Variants in CDK6 observed in about 807,000 individuals in gnomAD.
The protein encoded by CDK6 is cyclin dependent kinase 6.
CDK6 carries 6 observed loss-of-function variants against 37.1 expected under a neutral mutation model. The ratio of observed to expected loss-of-function variants is 0.16; its 90% confidence interval spans 0.09 to 0.32. The LOEUF (loss-of-function observed/expected upper bound fraction) is 0.32, where lower values mean the gene tolerates loss of function less well. Ranked by LOEUF, CDK6 falls within the 10% of genes least tolerant of loss-of-function variation. CDK6 has a pLI of 1.00. For synonymous variants in CDK6, 160 were observed against 161.3 expected (o/e 0.99, Z 0.06); for missense variants, 224 against 418.9 (o/e 0.53, Z 4.06).
At chr7:92,755,926 T>C (rs1466760652) in intron 3 of CDK6, among the ~76,000 whole-genome samples, 1 of 152,090 alleles carries the variant, frequency 6.6e-6, no homozygotes, top group African/African-American at 2.4e-5. Context: ...TTCTTGCACA[T>C]ACAAGTGCAC....
intron 5 of CDK6, 73 bp from the exon 6 acceptor site, chr7:92,623,159 T>C (rs1434432450): frequency 1.2e-5 from 13 of 1,050,610 alleles, no homozygotes; most frequent in Non-Finnish European, 1.7e-5. Flanking sequence ...GCCATTATCA[T>C]TGTTTCACAG....
At chr7:92,674,873 C>A (rs1303013766) in intron 4 of CDK6, among the ~76,000 whole-genome samples, 2 of 152,156 alleles carry the variant, frequency 1.3e-5, no homozygotes, top group Non-Finnish European at 2.9e-5. Flanking sequence ...GCTCTGTTGC[C>A]CAGACTGGAA....
rs776119972 is a variant in CDK6, at chr7:92,609,653, A to C, written c.*5487T>G. 2.6e-5 allele frequency: 6 copies of C among 231,596 alleles called. No individual in the cohort carries two copies. The East Asian group carries it at 3.7e-4, about 14-fold the overall frequency. 14.3% of individuals were successfully genotyped at this position (231,596 alleles called of 1,614,324 possible). A position where few individuals can be genotyped will look rare whatever the true frequency, so the allele number is the denominator to read the frequency against. The stretch of plus-strand genomic sequence containing the variant: ...ATGTTGAAAGGCCACCATGCTAGGG[A>C]ATTTGAAAGCAGCAGAGAGGGTATG... On this transcript the variant is annotated 3_prime_UTR_variant, in exon 8 of 8. Transcript: ENST00000424848.
chr7:92,659,454 A>C (rs1309647235), intron 5 of CDK6, among the ~76,000 whole-genome samples: 1 of 152,178 alleles, frequency 6.6e-6, no homozygotes, highest in African/African-American at 2.4e-5. Context: ...GTTTCTTTCT[A>C]CCTCTTAAAA....
chr7:92,741,613 C>T (rs1039902146), intron 3 of CDK6, among the ~76,000 whole-genome samples: 22 of 151,958 alleles, frequency 1.4e-4, no homozygotes, highest in Non-Finnish European at 2.9e-4. Context: ...CCTGAATTTA[C>T]CAGTTAAAAT....
intron 3 of CDK6, among the ~76,000 whole-genome samples, chr7:92,767,211 T>G (rs1001321806): frequency 2.6e-5 from 4 of 152,356 alleles, no homozygotes; most frequent in Admixed American, 2.6e-4. Flanking sequence ...TCTGTCCTCT[T>G]TCTCTTCTGA....
At chr7:92,717,080 C>T (rs1798244796) in intron 4 of CDK6, among the ~76,000 whole-genome samples, 1 of 152,036 alleles carries the variant, frequency 6.6e-6, no homozygotes, top group Admixed American at 6.5e-5. Flanking sequence ...GGCATGGTAG[C>T]TCATGTCTGT....
At chr7:92,618,317 TC>T in intron 6 of CDK6, 110 bp from the exon 7 acceptor site, 1 of 1,047,116 alleles carries the variant, frequency 9.6e-7, no homozygotes, top group Non-Finnish European at 1.4e-6. Flanking sequence ...GGGGGCAGAG[TC>T]CCAGGAGACC....
At chr7:92,788,933 A>G (rs1282052623) in intron 2 of CDK6, among the ~76,000 whole-genome samples, 1 of 152,136 alleles carries the variant, frequency 6.6e-6, no homozygotes, top group African/African-American at 2.4e-5. Flanking sequence ...CCTGGGTAAC[A>G]CAAAGAACCC....
chr7:92,726,955 G>A (rs1019956105), intron 3 of CDK6, among the ~76,000 whole-genome samples: 1 of 152,114 alleles, frequency 6.6e-6, no homozygotes, highest in Non-Finnish European at 1.5e-5. Context: ...TCAGTAAATG[G>A]CAGCGCTTAT....
intron 3 of CDK6, among the ~76,000 whole-genome samples, chr7:92,753,051 T>G (rs576401852): frequency 6.6e-6 from 1 of 152,172 alleles, no homozygotes; most frequent in Non-Finnish European, 1.5e-5. Context: ...ACAACCTACT[T>G]TATGGTGATT....
At chr7:92,665,618 A>G (rs1212256038) in intron 5 of CDK6, among the ~76,000 whole-genome samples, 1 of 152,216 alleles carries the variant, frequency 6.6e-6, no homozygotes, top group Non-Finnish European at 1.5e-5. Flanking sequence ...AACAAAAGAC[A>G]TGCACCTCTT....
rs190355397 is a variant in CDK6 at position 92,760,534 on chromosome 7, A to G, written c.369+14162T>C. On this transcript the variant is annotated intron_variant, in intron 3 of 7. Coordinates refer to ENST00000424848, the MANE Select transcript of CDK6 (RefSeq NM_001145306.2). ...GGCATTCCCCAATAAGATGTATGCT[A>G]AAACAGCCTTTTGTTGGATTATAAA... 1.8e-4 allele frequency among the ~76,000 whole-genome samples: 27 copies of G among 152,296 alleles called. 1 individual carries two copies. In the East Asian group the frequency reaches 2.7e-3, roughly 15 times the overall value.
At chr7:92,811,063 A>T (rs1358163566) in intron 2 of CDK6, among the ~76,000 whole-genome samples, 2 of 152,146 alleles carry the variant, frequency 1.3e-5, no homozygotes, top group Non-Finnish European at 2.9e-5. Flanking sequence ...GCCAAAGAAA[A>T]AAAAAGGCAA....
At chr7:92,829,707 G>A (rs577292781) in intron 2 of CDK6, among the ~76,000 whole-genome samples, 2 of 152,154 alleles carry the variant, frequency 1.3e-5, no homozygotes, top group Non-Finnish European at 2.9e-5. Flanking sequence ...TCTTCAAAAA[G>A]CACTTGATTC....
chr7:92,712,416 CAA>C (rs562257919), intron 4 of CDK6, among the ~76,000 whole-genome samples: 290 of 152,136 alleles, frequency 1.9e-3, no homozygotes, highest in Non-Finnish European at 2.6e-3. Context: ...ATGGGACTAA[CAA>C]TACTTGAGAA....
rs1175656679 is a variant in CDK6, at chr7:92,609,045, T to A, written c.*6095A>T. 4.3e-6 allele frequency: 1 copy of A among 233,244 alleles called. No homozygotes were observed. Among genetic ancestry groups the A allele is most frequent in the Non-Finnish European group, 8.5e-6 (1 of 118,192 alleles). The allele number at this position is 233,244 out of a possible 1,614,324, so 14.4% of individuals were successfully genotyped here. ...TAGTTCCTGGGAGCAGAGGGGCGAATGAGGCGGGGGATTTCTCAGCCAGTT... is the reference window on the plus strand; with the variant it reads ...TAGTTCCTGGGAGCAGAGGGGCGAAAGAGGCGGGGGATTTCTCAGCCAGTT... On this transcript the variant is annotated 3_prime_UTR_variant, in exon 8 of 8. Coordinates refer to ENST00000424848, the MANE Select transcript of CDK6 (RefSeq NM_001145306.2).
chr7:92,609,427 CAG>C lies in CDK6; in HGVS notation c.*5711_*5712del, dbSNP rs1337098415. The C allele has an allele frequency of 1.3e-5, 3 of 228,768 alleles. No homozygotes were observed. Among genetic ancestry groups the C allele is most frequent in the Admixed American group, 5.7e-5 (1 of 17,572 alleles). The allele number at this position is 228,768 out of a possible 1,614,324, so 14.2% of individuals were successfully genotyped here. A position where few individuals can be genotyped will look rare whatever the true frequency, so the allele number is the denominator to read the frequency against. On this transcript the variant is annotated 3_prime_UTR_variant, in exon 8 of 8. Coordinates refer to ENST00000424848, the MANE Select transcript of CDK6 (RefSeq NM_001145306.2). ...CCTAAGTTGTTATGCTCATATACTT[CAG>C]ACTTTTTTTTTTTAATTAGAGCTTC...
intron 4 of CDK6, among the ~76,000 whole-genome samples, chr7:92,703,430 T>C (rs907374801): frequency 1.3e-5 from 2 of 152,234 alleles, no homozygotes; most frequent in African/African-American, 4.8e-5. Context: ...ACTAATGATA[T>C]GACATGTTTC....
Sources: allele counts gnomAD v4.1 joint callset (sites outside exome capture counted in the v4.1 genomes callset), GRCh38; gene constraint gnomAD v4.1.1; transcripts MANE v1.5; gene names NCBI Gene and HGNC (gene_info 2026-07-23, HGNC 2026-07-21).